The following STAG1 variants were observed in gnomAD, a reference collection of about 807,000 sequenced individuals.
STAG1 encodes the protein STAG1 cohesin complex component, also known as cohesin subunit SA-1.
Under a neutral mutation model 170.9 loss-of-function variants are expected in STAG1, and 26 were observed. That is an observed-to-expected ratio of 0.15 (90% CI 0.11 to 0.21). The LOEUF (loss-of-function observed/expected upper bound fraction) is 0.21. Ranked by LOEUF, STAG1 falls within the 10% of genes least tolerant of loss-of-function variation. STAG1 has a pLI of 1.00. For synonymous variants in STAG1, 514 were observed against 497.7 expected (o/e 1.03, Z -0.44); for missense variants, 964 against 1,509.5 (o/e 0.64, Z 5.99).
At chr3:136,751,811 G>A (rs543419772) in intron 1 of STAG1, among the ~76,000 whole-genome samples, 4 of 151,084 alleles carry the variant, frequency 2.6e-5, no homozygotes, top group Admixed American at 6.6e-5. Flanking sequence ...GCCCGGGCGG[G>A]GGGGGGCGGA....
chr3:136,694,881 A>G (rs1942836920), intron 1 of STAG1, among the ~76,000 whole-genome samples: 1 of 152,162 alleles, frequency 6.6e-6, no homozygotes, highest in African/African-American at 2.4e-5. Context: ...TGGAAGAAGA[A>G]AAGTTTTGAA....
intron 7 of STAG1, among the ~76,000 whole-genome samples, chr3:136,503,431 A>C (rs1933587296): frequency 6.6e-6 from 1 of 152,204 alleles, no homozygotes; most frequent in South Asian, 2.1e-4. Context: ...CTTATTAAAC[A>C]CTTTCAAATT....
intron 15 of STAG1, among the ~76,000 whole-genome samples, chr3:136,438,235 C>A (rs1018329081): frequency 9.4e-6 from 1 of 106,344 alleles, no homozygotes; most frequent in East Asian, 4.9e-4. Context: ...CGTTTAGTTT[C>A]TTTTCTTTTT....
At chr3:136,572,601 C>CA (rs11379268) in intron 4 of STAG1, among the ~76,000 whole-genome samples, 36,135 of 66,468 alleles carry the variant, frequency 0.54, 8,937 homozygotes, top group Non-Finnish European at 0.57. Context: ...AAGACTGTCT[C>CA]AAAAAAAAAA....
chr3:136,430,733 A>C (rs2088273641), intron 16 of STAG1, among the ~76,000 whole-genome samples: 1 of 150,524 alleles, frequency 6.6e-6, no homozygotes, highest in African/African-American at 2.4e-5. Flanking sequence ...TGCAGGCCAC[A>C]GGTTGGACAA....
At chr3:136,675,392 C>A (rs973120966) in intron 1 of STAG1, among the ~76,000 whole-genome samples, 4 of 152,244 alleles carry the variant, frequency 2.6e-5, no homozygotes, top group South Asian at 2.1e-4. Context: ...GATACCACCA[C>A]GCCAGTGAAT....
Position 136,454,739 on chromosome 3 carries a change from AAATTTTG to A in STAG1, c.1314-2599_1314-2593del, listed in dbSNP as rs1317721036. Among the ~76,000 whole-genome samples the A allele has an allele frequency of 9.2e-5, 14 of 152,364 alleles. No homozygotes were observed. The East Asian group carries it at 2.7e-3, about 29-fold the overall frequency. Reference sequence around the variant, plus strand: ...AAATAAGGTATTGAGGAATTTGCTTAAATTTTGAGTATTAAAATGTGGAATTTTTGAT... The same window carrying A: ...AAATAAGGTATTGAGGAATTTGCTTAAGTATTAAAATGTGGAATTTTTGAT... On this transcript the variant is annotated intron_variant, in intron 13 of 33. Coordinates refer to ENST00000383202, the MANE Select transcript of STAG1 (RefSeq NM_005862.3).
intron 1 of STAG1, among the ~76,000 whole-genome samples, chr3:136,706,002 C>T (rs1364143715): frequency 6.6e-6 from 1 of 151,620 alleles, no homozygotes; most frequent in African/African-American, 2.4e-5. Flanking sequence ...CACAGGAGAT[C>T]AAGGCTACCA....
intron 1 of STAG1, among the ~76,000 whole-genome samples, chr3:136,751,867 G>A (rs1480261125): frequency 6.6e-6 from 1 of 150,714 alleles, no homozygotes; most frequent in Non-Finnish European, 1.5e-5. Context: ...AGGCTTCCGC[G>A]CCTGTCGCCG....
intron 5 of STAG1, among the ~76,000 whole-genome samples, chr3:136,563,141 T>C (rs1001503881): frequency 2.6e-5 from 4 of 152,212 alleles, no homozygotes; most frequent in Admixed American, 6.5e-5. Context: ...AGTTTCTACA[T>C]TGCAAAGTTT....
chr3:136,436,855 A>G (rs2088477094), intron 15 of STAG1, among the ~76,000 whole-genome samples: 1 of 152,232 alleles, frequency 6.6e-6, no homozygotes, highest in African/African-American at 2.4e-5. Flanking sequence ...GTACATCTTA[A>G]TTCAGTGTTT....
chr3:136,340,494 A>G lies in STAG1; in HGVS notation c.3669T>C (p.Asp1223=), dbSNP rs749617436. The G allele has an allele frequency of 6.3e-7, 1 of 1,590,676 alleles. No individual in the cohort carries two copies. The highest frequency in any genetic ancestry group is 8.6e-7 in the Non-Finnish European group (1 of 1,158,624). Residue 1223 remains aspartate (D), a synonymous_variant, in exon 32 of 34, where the codon GAT becomes GAC. Transcript: ENST00000383202. ...NEEFEDTMVI[D]LPPSRNRRER... is the part of the protein sequence containing the mutation. ...AAAATATAGTGAATTTCTCTACCAGATCAATAACCATGGTGTCCTCAAATT... is the reference window on the plus strand; with the variant it reads ...AAAATATAGTGAATTTCTCTACCAGGTCAATAACCATGGTGTCCTCAAATT...
intron 6 of STAG1, among the ~76,000 whole-genome samples, chr3:136,534,104 A>G (rs1935507235): frequency 6.6e-6 from 1 of 152,220 alleles, no homozygotes; most frequent in Non-Finnish European, 1.5e-5. Context: ...ATAAATCCAC[A>G]TATTTACAGC....
intron 4 of STAG1, among the ~76,000 whole-genome samples, chr3:136,575,596 T>C (rs1937426972): frequency 6.7e-6 from 1 of 149,916 alleles, no homozygotes; most frequent in African/African-American, 2.4e-5. Flanking sequence ...GAAAGGCTAT[T>C]TCTGATAACA....
At chr3:136,454,303 C>T (rs1576481305) in intron 13 of STAG1, among the ~76,000 whole-genome samples, 1 of 151,918 alleles carries the variant, frequency 6.6e-6, no homozygotes, top group African/African-American at 2.4e-5. Context: ...TGGTCTCGAA[C>T]TCCTGACCTC....
intron 1 of STAG1, among the ~76,000 whole-genome samples, chr3:136,700,865 CTATTT>C (rs1442266134): frequency 1.4e-5 from 2 of 139,676 alleles, no homozygotes; most frequent in Non-Finnish European, 3.1e-5. Context: ...TGTGTGTGCT[CTATTT>C]TTTTTCTTTT....
intron 7 of STAG1, among the ~76,000 whole-genome samples, chr3:136,516,993 T>G (rs1289988718): frequency 6.6e-6 from 1 of 152,224 alleles, no homozygotes; most frequent in Non-Finnish European, 1.5e-5. Context: ...GCAAAATTAT[T>G]TTCAGCCTCT....
At chr3:136,541,542 A>ACACACACACACACACT (rs1553743114) in intron 6 of STAG1, among the ~76,000 whole-genome samples, 7 of 129,200 alleles carry the variant, frequency 5.4e-5, no homozygotes, top group Non-Finnish European at 1.2e-4. Flanking sequence ...TAACATTCAC[A>ACACACACACACACACT]CACACACACA....
chr3:136,521,815 C>T (rs1658570881), intron 6 of STAG1, among the ~76,000 whole-genome samples: 1 of 152,148 alleles, frequency 6.6e-6, no homozygotes, highest in African/African-American at 2.4e-5. Flanking sequence ...CATACCACAT[C>T]TTTCAATATT....
Sources: allele counts gnomAD v4.1 joint callset (sites outside exome capture counted in the v4.1 genomes callset), GRCh38; gene constraint gnomAD v4.1.1; transcripts MANE v1.5; gene names NCBI Gene and HGNC (gene_info 2026-07-23, HGNC 2026-07-21).